Variants in AK5 observed in about 807,000 individuals in gnomAD.
AK5 encodes the protein adenylate kinase isoenzyme 5.
Under a neutral mutation model 69.5 loss-of-function variants are expected in AK5, and 27 were observed. That is an observed-to-expected ratio of 0.39 (90% CI 0.29 to 0.54). AK5 has a LOEUF of 0.54. AK5 is among the 20% of genes least tolerant of loss of function. The pLI is 0.71. For missense variants in AK5, 531 were observed against 700.4 expected (o/e 0.76, Z 2.73); for synonymous variants, 260 against 244.4 (o/e 1.06, Z -0.60).
At chr1:77,285,868 G>A (rs1447690080) in intron 1 of AK5, among the ~76,000 whole-genome samples, 2 of 151,582 alleles carry the variant, frequency 1.3e-5, no homozygotes, top group Non-Finnish European at 2.9e-5. Flanking sequence ...TTTCCAATTG[G>A]AAAACAGTTA....
chr1:77,464,279 A>G (rs538323051), intron 8 of AK5, among the ~76,000 whole-genome samples: 13 of 152,294 alleles, frequency 8.5e-5, no homozygotes, highest in African/African-American at 3.1e-4. Context: ...GCCAGGTTCC[A>G]CACAGGAAGA....
Position 77,324,180 on chromosome 1 carries a change from C to T in AK5, c.700-16197C>T, listed in dbSNP as rs143606839. 3.4e-3 allele frequency among the ~76,000 whole-genome samples: 520 copies of T among 152,154 alleles called. 1 individual carries two copies. Among genetic ancestry groups the T allele is most frequent in the African/African-American group, 0.012 (486 of 41,496 alleles). On this transcript the variant is annotated intron_variant, in intron 5 of 13. Transcript: ENST00000354567. ...GGTGAAGATTAGCCTGCTGAAAATG[C>T]CGAACATTAAGAAATGGCATGAACA...
chr1:77,378,723 T>C (rs962297429), intron 6 of AK5, among the ~76,000 whole-genome samples: 20 of 152,138 alleles, frequency 1.3e-4, no homozygotes, highest in South Asian at 2.1e-4. Flanking sequence ...GAAAAAAATA[T>C]GCAGATGGAA....
At chr1:77,283,070 G>A in intron 1 of AK5, 1 of 985,610 alleles carries the variant, frequency 1.0e-6, no homozygotes, top group South Asian at 4.7e-5. Flanking sequence ...TGCGAGGGGG[G>A]CGGACTCCTG....
chr1:77,292,286 C>T (rs1658729588), intron 2 of AK5, among the ~76,000 whole-genome samples: 1 of 152,078 alleles, frequency 6.6e-6, no homozygotes, highest in African/African-American at 2.4e-5. Context: ...CTGATGTAGC[C>T]CTTCCCAGCT....
At chr1:77,354,062 C>A (rs1662361339) in intron 6 of AK5, among the ~76,000 whole-genome samples, 1 of 152,020 alleles carries the variant, frequency 6.6e-6, no homozygotes, top group Non-Finnish European at 1.5e-5. Flanking sequence ...AATGAGACAT[C>A]TGAAATTTCT....
intron 13 of AK5, among the ~76,000 whole-genome samples, chr1:77,556,186 G>A (rs1173845393): frequency 6.6e-6 from 1 of 152,202 alleles, no homozygotes; most frequent in East Asian, 1.9e-4. Flanking sequence ...TAACCACCAT[G>A]CAGGAAAAGA....
At chr1:77,529,033 T>C (rs567214376) in intron 12 of AK5, among the ~76,000 whole-genome samples, 185 of 152,324 alleles carry the variant, frequency 1.2e-3, no homozygotes, top group Non-Finnish European at 2.2e-3. Context: ...ACAGTTTTTT[T>C]AATAATGTGT....
chr1:77,513,715 C>T (rs536338600), intron 10 of AK5, among the ~76,000 whole-genome samples: 7 of 152,332 alleles, frequency 4.6e-5, no homozygotes, highest in African/African-American at 1.7e-4. Flanking sequence ...TGGCACTCGC[C>T]TGTAGTCCCA....
intron 13 of AK5, among the ~76,000 whole-genome samples, chr1:77,549,752 A>G (rs1341789317): frequency 6.6e-6 from 1 of 152,156 alleles, no homozygotes. Flanking sequence ...AGTTCCATAC[A>G]TGTTGTTGCA....
intron 1 of AK5, chr1:77,282,973 G>GT: frequency 1.0e-6 from 1 of 985,582 alleles, no homozygotes; most frequent in Non-Finnish European, 1.2e-6. Context: ...TCCTGAGCAC[G>GT]TTTTTCCCGT....
chr1:77,366,293 A>G (rs1452612731), intron 6 of AK5, among the ~76,000 whole-genome samples: 1 of 152,182 alleles, frequency 6.6e-6, no homozygotes, highest in Non-Finnish European at 1.5e-5. Context: ...TGCAGATTAA[A>G]TGAGGTTAGG....
intron 8 of AK5, among the ~76,000 whole-genome samples, chr1:77,419,136 C>T (rs1650635471): frequency 6.6e-6 from 1 of 151,924 alleles, no homozygotes; most frequent in Non-Finnish European, 1.5e-5. Flanking sequence ...GGCACATTCT[C>T]TAGCATACCC....
At chr1:77,367,900 A>AATATATATAACATATG (rs1557534648) in intron 6 of AK5, among the ~76,000 whole-genome samples, 281 of 8,232 alleles carry the variant, frequency 0.034, 53 homozygotes, top group Non-Finnish European at 0.047. Flanking sequence ...TGTGATATAT[A>AATATATATAACATATG]TTATATATAA....
intron 6 of AK5, chr1:77,340,917 C>G (rs1376329811): frequency 5.5e-6 from 1 of 182,126 alleles, no homozygotes; most frequent in Admixed American, 5.7e-5. Context: ...CTTTGGAAGC[C>G]TAACAAAATT....
chr1:77,535,993 C>T lies in AK5; in HGVS notation c.1575C>T (p.Ser525=). Residue 525 remains serine (S), a synonymous_variant, in exon 13 of 14, where the codon TCC becomes TCT. Coordinates refer to ENST00000354567, the MANE Select transcript of AK5 (RefSeq NM_174858.3). ...GCCTAGAAGCCTACTACCGAGCGTC[C>T]ATCCCCGTGATCGCCTACTACGAGA... The part of the protein sequence containing the change: ...AKRLEAYYRA[S]IPVIAYYETK... 1 of 1,613,984 alleles carries T rather than the reference C, an allele frequency of 6.2e-7. No individual in the cohort carries two copies. The highest frequency in any genetic ancestry group is 8.5e-7 in the Non-Finnish European group (1 of 1,179,982).
intron 12 of AK5, among the ~76,000 whole-genome samples, chr1:77,533,509 C>CA (rs10526328): frequency 0.043 from 4,123 of 94,804 alleles, 268 homozygotes; most frequent in Middle Eastern, 0.07. Context: ...ACTCTGTCAC[C>CA]AAAAAAAAAA....
chr1:77,494,795 T>A (rs1036904237), intron 10 of AK5, among the ~76,000 whole-genome samples: 10 of 151,986 alleles, frequency 6.6e-5, no homozygotes, highest in Admixed American at 2.0e-4. Context: ...CTTTTTTTTT[T>A]TTTTGAGACG....
At chr1:77,327,234 GTAAA>G (rs1229889297) in intron 5 of AK5, among the ~76,000 whole-genome samples, 2 of 151,952 alleles carry the variant, frequency 1.3e-5, no homozygotes, top group East Asian at 3.9e-4. Context: ...AAATACATAA[GTAAA>G]TAAATAAACT....
Sources: allele counts gnomAD v4.1 joint callset (sites outside exome capture counted in the v4.1 genomes callset), GRCh38; gene constraint gnomAD v4.1.1; transcripts MANE v1.5; gene names NCBI Gene and HGNC (gene_info 2026-07-23, HGNC 2026-07-21).